The following PITPNB variants were observed in gnomAD, a reference collection of about 807,000 sequenced individuals.
The protein encoded by PITPNB is phosphatidylinositol transfer protein beta, also known as phosphatidylinositol transfer protein beta isoform.
In PITPNB, 16 loss-of-function variants were observed where a neutral mutation model predicts 45.9. That is an observed-to-expected ratio of 0.35 (90% CI 0.24 to 0.53). PITPNB has a LOEUF of 0.53. PITPNB is among the 20% of genes least tolerant of loss of function. The pLI is 0.93. For synonymous variants in PITPNB, 112 were observed against 108.9 expected (o/e 1.03, Z -0.18); for missense variants, 188 against 330.5 (o/e 0.57, Z 3.34).
chr22:27,890,688 C>T (rs537813151), intron 7 of PITPNB, among the ~76,000 whole-genome samples: 196 of 152,280 alleles, frequency 1.3e-3, no homozygotes, highest in African/African-American at 4.6e-3. Context: ...GTGGTGGGCA[C>T]CTGTAGTCCC....
chr22:27,874,794 T>A (rs1934772546), intron 7 of PITPNB, among the ~76,000 whole-genome samples: 1 of 152,222 alleles, frequency 6.6e-6, no homozygotes, highest in African/African-American at 2.4e-5. Context: ...GAGAGTCCTT[T>A]CCTTCTTGAG....
intron 9 of PITPNB, among the ~76,000 whole-genome samples, chr22:27,859,105 G>A (rs938150907): frequency 6.6e-6 from 1 of 152,194 alleles, no homozygotes; most frequent in Non-Finnish European, 1.5e-5. Flanking sequence ...CCCAAGAAGA[G>A]AGAAAAGTGC....
intron 9 of PITPNB, 141 bp from the exon 10 acceptor site, chr22:27,858,650 T>C: frequency 5.1e-6 from 3 of 593,356 alleles, no homozygotes; most frequent in South Asian, 4.5e-5. Flanking sequence ...GTGGAAATCA[T>C]AATTCCATTT....
chr22:27,896,681 C>A, intron 5 of PITPNB, 55 bp from the exon 6 acceptor site: 1 of 1,217,240 alleles, frequency 8.2e-7, no homozygotes. Context: ...TCCTTGGTGC[C>A]CACGTCTGAG....
intron 10 of PITPNB, among the ~76,000 whole-genome samples, chr22:27,856,177 C>G (rs1230765040): frequency 1.3e-5 from 2 of 152,220 alleles, no homozygotes; most frequent in African/African-American, 4.8e-5. Flanking sequence ...AAAGCAACTG[C>G]TATGTACCCT....
chr22:27,858,542 A>G (rs2146346894), intron 9 of PITPNB, 33 bp from the exon 10 acceptor site: 2 of 1,578,014 alleles, frequency 1.3e-6, no homozygotes, highest in East Asian at 4.5e-5. Context: ...GTAGCATAAG[A>G]TGACAAAAAC....
intron 8 of PITPNB, among the ~76,000 whole-genome samples, chr22:27,872,701 G>A (rs957216055): frequency 3.3e-5 from 5 of 152,110 alleles, no homozygotes; most frequent in Middle Eastern, 6.8e-3. Flanking sequence ...ATCACTTATC[G>A]ATGACCTGTA....
chr22:27,908,616 A>G (rs545210987), intron 3 of PITPNB, among the ~76,000 whole-genome samples: 1 of 152,228 alleles, frequency 6.6e-6, no homozygotes, highest in South Asian at 2.1e-4. Context: ...AGGAACTTTT[A>G]TATGTGGTGG....
intron 8 of PITPNB, among the ~76,000 whole-genome samples, chr22:27,867,936 A>C (rs1238324105): frequency 6.6e-6 from 1 of 152,172 alleles, no homozygotes; most frequent in Non-Finnish European, 1.5e-5. Flanking sequence ...TATAATTAGT[A>C]CATACTATGT....
chr22:27,897,180 T>G (rs1935459935), intron 4 of PITPNB, 43 bp from the exon 5 acceptor site: 1 of 1,407,168 alleles, frequency 7.1e-7, no homozygotes, highest in African/African-American at 1.4e-5. Flanking sequence ...GAGAAAAATT[T>G]CAGAATATTA....
In PITPNB at chr22:27,919,241, C is replaced by A. The variant is rs1189093638; in HGVS notation, c.-50G>T. The A allele has an allele frequency of 2.6e-6, 4 of 1,511,376 alleles. No individual in the cohort carries two copies. Among genetic ancestry groups the A allele is most frequent in the Admixed American group, 3.3e-5 (2 of 59,860 alleles). The allele number at this position is 1,511,376 out of a possible 1,614,324, so 93.6% of individuals were successfully genotyped here. A position where few individuals can be genotyped will look rare whatever the true frequency, so the allele number is the denominator to read the frequency against. ...CCGCCGATACCACCGCCGCCGCCGC[C>A]GCTACCGCCTCTCACAGCGCCTGCG... On this transcript the variant is annotated 5_prime_UTR_variant, in exon 1 of 12. Coordinates refer to ENST00000335272, the MANE Select transcript of PITPNB (RefSeq NM_012399.5).
chr22:27,875,940 C>G (rs533482287), intron 7 of PITPNB, among the ~76,000 whole-genome samples: 2 of 152,078 alleles, frequency 1.3e-5, no homozygotes, highest in African/African-American at 4.8e-5. Flanking sequence ...AGAATCAAAA[C>G]CAAACAAAAG....
chr22:27,871,290 A>T (rs982476127), intron 8 of PITPNB, among the ~76,000 whole-genome samples: 9 of 152,196 alleles, frequency 5.9e-5, no homozygotes, highest in East Asian at 1.9e-4. Context: ...GAGTTCCTAT[A>T]GGAAGGATCT....
chr22:27,895,350 G>A (rs950130909), intron 6 of PITPNB, among the ~76,000 whole-genome samples: 3 of 152,156 alleles, frequency 2.0e-5, no homozygotes, highest in Non-Finnish European at 4.4e-5. Flanking sequence ...AGCACTTTGG[G>A]AGGCTGAGGC....
intron 8 of PITPNB, among the ~76,000 whole-genome samples, chr22:27,861,889 G>A (rs1351862714): frequency 6.6e-6 from 1 of 152,160 alleles, no homozygotes; most frequent in Non-Finnish European, 1.5e-5. Context: ...TTTAATAAAC[G>A]TTGTATTGAC....
At chr22:27,906,703 T>C (rs979112075) in intron 3 of PITPNB, among the ~76,000 whole-genome samples, 1 of 152,114 alleles carries the variant, frequency 6.6e-6, no homozygotes, top group Admixed American at 6.6e-5. Flanking sequence ...TAAAAATACA[T>C]AAGTACTAGA....
intron 7 of PITPNB, among the ~76,000 whole-genome samples, chr22:27,889,665 T>C (rs1423716972): frequency 1.3e-5 from 2 of 152,194 alleles, no homozygotes; most frequent in Non-Finnish European, 2.9e-5. Context: ...CCTCTGCCAC[T>C]TGTTAACTAC....
rs117171705 is a variant in PITPNB, at chr22:27,861,461, G to A, written c.535-1220C>T. On this transcript the variant is annotated intron_variant, in intron 8 of 11. Coordinates refer to ENST00000335272, the MANE Select transcript of PITPNB (RefSeq NM_012399.5). ...TATTTTCAGGAAGGAGTGAGTGGGT[G>A]TGAACCAGGAGCTTGCAGCATACAT... Among the ~76,000 whole-genome samples the A allele has an allele frequency of 2.6e-4, 40 of 152,332 alleles. No individual in the cohort carries two copies. In the East Asian group the frequency reaches 5.0e-3, roughly 19 times the overall value.
rs186055913 is a variant in PITPNB, at chr22:27,918,600, C to T, written c.20+572G>A. Among the ~76,000 whole-genome samples the T allele has an allele frequency of 2.8e-4, 42 of 152,326 alleles. No homozygotes were observed. In the East Asian group the frequency reaches 7.3e-3, roughly 27 times the overall value. ...GAAACCAAAAAGAGAAAAGGCTCTCCCGTCAAGTCAGCGGAGCTGCCCAGG... is the reference window on the plus strand; with the variant it reads ...GAAACCAAAAAGAGAAAAGGCTCTCTCGTCAAGTCAGCGGAGCTGCCCAGG... On this transcript the variant is annotated intron_variant, in intron 1 of 11. Transcript: ENST00000335272.
Sources: gnomAD v4.1 joint callset for allele counts (sites outside exome capture counted in the v4.1 genomes callset) on GRCh38, gnomAD v4.1.1 for gene constraint, MANE v1.5 for transcripts, NCBI Gene and HGNC (gene_info 2026-07-23, HGNC 2026-07-21) for gene names.